Variants in PLCB1 observed in about 807,000 individuals in gnomAD.
PLCB1 encodes phospholipase C beta 1, also known as 1-phosphatidylinositol 4,5-bisphosphate phosphodiesterase beta-1.
PLCB1 carries 46 observed loss-of-function variants against 161.8 expected under a neutral mutation model. The ratio of observed to expected loss-of-function variants is 0.28; its 90% CI spans 0.22 to 0.36. The LOEUF (loss-of-function observed/expected upper bound fraction) is 0.36, where lower values mean the gene tolerates loss of function less well. PLCB1 is among the 10% of genes least tolerant of loss of function. The probability of loss-of-function intolerance (pLI) is 1.00; values close to 1 mark genes in which losing one functional copy is unlikely to be tolerated. For synonymous variants in PLCB1, 517 were observed against 503.7 expected (o/e 1.03, Z -0.35); for missense variants, 1,016 against 1,472.5 (o/e 0.69, Z 5.07).
chr20:8,647,881 T>C lies in PLCB1; in HGVS notation c.465-19T>C, dbSNP rs1568545627. The C allele has an allele frequency of 3.7e-6, 6 of 1,606,332 alleles. No homozygotes were observed. The highest frequency in any genetic ancestry group is 5.1e-6 in the Non-Finnish European group (6 of 1,173,764). The stretch of plus-strand genomic sequence containing the variant: ...TTTTTTAAAAAAATCAAACCCTTGT[T>C]TTTCTGCTTCTCCAACAGCTATACT... On this transcript the variant is annotated intron_variant, in intron 5 of 31. Transcript: ENST00000338037.
intron 3 of PLCB1, 25 bp from the exon 4 acceptor site, chr20:8,628,269 A>C: frequency 6.3e-7 from 1 of 1,585,362 alleles, no homozygotes; most frequent in African/African-American, 1.3e-5. Context: ...TTATAGACTA[A>C]TTATTTTCAA....
chr20:8,222,706 G>A (rs962212531), intron 2 of PLCB1, among the ~76,000 whole-genome samples: 13 of 151,974 alleles, frequency 8.6e-5, no homozygotes, highest in East Asian at 1.9e-4. Context: ...ATTACATGCC[G>A]TTAGACTTTT....
At chr20:8,133,840 G>A (rs533532629) in intron 1 of PLCB1, among the ~76,000 whole-genome samples, 38 of 152,298 alleles carry the variant, frequency 2.5e-4, no homozygotes, top group African/African-American at 8.9e-4. Flanking sequence ...TCTTCTTGCC[G>A]AAAAGATTTT....
intron 3 of PLCB1, among the ~76,000 whole-genome samples, chr20:8,564,204 T>C (rs1355256299): frequency 6.6e-6 from 1 of 151,334 alleles, no homozygotes; most frequent in African/African-American, 2.4e-5. Context: ...ATCTACATCT[T>C]TGACAAACCT....
At chr20:8,309,665 G>A (rs967755418) in intron 2 of PLCB1, among the ~76,000 whole-genome samples, 3 of 152,306 alleles carry the variant, frequency 2.0e-5, no homozygotes, top group African/African-American at 7.2e-5. Flanking sequence ...AAGCAATCGC[G>A]TCCATAATTC....
chr20:8,240,735 CT>C (rs1172048981), intron 2 of PLCB1, among the ~76,000 whole-genome samples: 2 of 151,966 alleles, frequency 1.3e-5, no homozygotes, highest in African/African-American at 4.8e-5. Context: ...GATTTTATAG[CT>C]TGCCAGATAG....
chr20:8,753,964 GT>G (rs1981609899), intron 23 of PLCB1, among the ~76,000 whole-genome samples: 1 of 152,070 alleles, frequency 6.6e-6, no homozygotes, highest in Admixed American at 6.5e-5. Context: ...ATCCTTAGGG[GT>G]TGTGTCCCAA....
chr20:8,616,788 C>A (rs945794486), intron 3 of PLCB1, among the ~76,000 whole-genome samples: 4 of 152,212 alleles, frequency 2.6e-5, no homozygotes, highest in African/African-American at 9.6e-5. Flanking sequence ...GAGAAAGCTG[C>A]ATAAGTCATC....
intron 31 of PLCB1, among the ~76,000 whole-genome samples, chr20:8,803,903 C>G (rs928687033): frequency 2.0e-5 from 3 of 152,028 alleles, no homozygotes; most frequent in African/African-American, 7.2e-5. Flanking sequence ...AAGTGATTCT[C>G]CTGCCTCAGC....
chr20:8,259,293 C>G (rs1981577431), intron 2 of PLCB1, among the ~76,000 whole-genome samples: 1 of 152,016 alleles, frequency 6.6e-6, no homozygotes, highest in Non-Finnish European at 1.5e-5. Flanking sequence ...TAGGGTGTGG[C>G]AGGGAAGTCT....
intron 3 of PLCB1, among the ~76,000 whole-genome samples, chr20:8,391,776 T>C (rs1312392621): frequency 3.6e-5 from 3 of 84,400 alleles, no homozygotes; most frequent in Admixed American, 1.4e-4. Flanking sequence ...TATATATATA[T>C]ATGTGTGTGT....
At chr20:8,490,473 C>G (rs1184657199) in intron 3 of PLCB1, among the ~76,000 whole-genome samples, 3 of 152,208 alleles carry the variant, frequency 2.0e-5, no homozygotes, top group Admixed American at 1.3e-4. Context: ...TATGAACATT[C>G]ATGTATAGTA....
At chr20:8,454,931 G>A (rs76950308) in intron 3 of PLCB1, among the ~76,000 whole-genome samples, 3,041 of 151,844 alleles carry the variant, frequency 0.02, 101 homozygotes, top group African/African-American at 0.07. Flanking sequence ...TGTCTTGAAC[G>A]TGGTCTGGTA....
chr20:8,771,396 A>T (rs1489570982), intron 26 of PLCB1, among the ~76,000 whole-genome samples: 3 of 152,228 alleles, frequency 2.0e-5, no homozygotes, highest in East Asian at 3.9e-4. Context: ...TTTCTACCAG[A>T]CAGCGCCAGC....
At chr20:8,490,334 A>G (rs1408945519) in intron 3 of PLCB1, among the ~76,000 whole-genome samples, 2 of 152,234 alleles carry the variant, frequency 1.3e-5, no homozygotes, top group Admixed American at 6.5e-5. Flanking sequence ...CATAATGGAC[A>G]TTGTGTAAGC....
chr20:8,457,037 T>A (rs1278710607), intron 3 of PLCB1, among the ~76,000 whole-genome samples: 4 of 152,222 alleles, frequency 2.6e-5, no homozygotes, highest in Non-Finnish European at 4.4e-5. Context: ...TTAACCAAAA[T>A]CATCTTACAT....
intron 26 of PLCB1, among the ~76,000 whole-genome samples, chr20:8,773,443 A>G (rs4816081): frequency 0.95 from 145,068 of 152,340 alleles, 69,196 homozygotes; most frequent in East Asian, 1. Context: ...AATGATAATT[A>G]CTTTAATTTA....
intron 23 of PLCB1, among the ~76,000 whole-genome samples, chr20:8,754,980 A>G (rs911311924): frequency 6.6e-6 from 1 of 152,168 alleles, no homozygotes; most frequent in Non-Finnish European, 1.5e-5. Flanking sequence ...TAGTGTGACC[A>G]TACTGGCACT....
intron 9 of PLCB1, among the ~76,000 whole-genome samples, chr20:8,663,409 AG>A (rs1989735436): frequency 6.6e-6 from 1 of 152,100 alleles, no homozygotes; most frequent in African/African-American, 2.4e-5. Context: ...AAAAATTTTT[AG>A]TGTCACCAAA....
Sources: allele counts gnomAD v4.1 joint callset (sites outside exome capture counted in the v4.1 genomes callset), GRCh38; gene constraint gnomAD v4.1.1; transcripts MANE v1.5; gene names NCBI Gene and HGNC (gene_info 2026-07-23, HGNC 2026-07-21).